SPECC1: variants seen among roughly 807,000 people sequenced by gnomAD.
SPECC1 encodes cytospin-B.
SPECC1 carries 62 observed loss-of-function variants against 104.1 expected under a neutral mutation model. The ratio of observed to expected loss-of-function variants is 0.60; its 90% CI spans 0.49 to 0.74. SPECC1 has a LOEUF of 0.74. Ranked by LOEUF, SPECC1 falls within the 30% of genes least tolerant of loss-of-function variation. The probability of loss-of-function intolerance (pLI) is 0.00; values close to 1 mark genes in which losing one functional copy is unlikely to be tolerated. For missense variants in SPECC1, 1,306 were observed against 1,310.5 expected (o/e 1.00, Z 0.05); for synonymous variants, 513 against 501.6 (o/e 1.02, Z -0.30).
chr17:20,072,296 C>T (rs2152482675), intron 1 of SPECC1, among the ~76,000 whole-genome samples: 1 of 152,344 alleles, frequency 6.6e-6, no homozygotes, highest in East Asian at 1.9e-4. Flanking sequence ...TCATCCTAGA[C>T]TTTCCTAAAT....
intron 4 of SPECC1, among the ~76,000 whole-genome samples, chr17:20,209,783 A>G (rs1313123617): frequency 6.6e-6 from 1 of 152,228 alleles, no homozygotes; most frequent in African/African-American, 2.4e-5. Flanking sequence ...TTTCCAGACA[A>G]TAACATGACC....
At chr17:20,248,044 G>A (rs1037454600) in intron 9 of SPECC1, among the ~76,000 whole-genome samples, 7 of 152,158 alleles carry the variant, frequency 4.6e-5, no homozygotes, top group African/African-American at 1.7e-4. Flanking sequence ...CCAAGATCTA[G>A]GATCAGCCTG....
At chr17:20,287,445 A>G (rs2040995499) in intron 12 of SPECC1, among the ~76,000 whole-genome samples, 1 of 150,318 alleles carries the variant, frequency 6.7e-6, no homozygotes, top group Non-Finnish European at 1.5e-5. Flanking sequence ...AAAAAAAAAA[A>G]AAAAAAAAAA....
chr17:20,170,982 A>G (rs1477536610), intron 3 of SPECC1, among the ~76,000 whole-genome samples: 1 of 152,230 alleles, frequency 6.6e-6, no homozygotes, highest in East Asian at 1.9e-4. Flanking sequence ...AAATTTTAAA[A>G]AAATCTTGGA....
intron 5 of SPECC1, 25 bp from the exon 6 acceptor site, chr17:20,231,733 C>A (rs749320766): frequency 4.3e-6 from 7 of 1,610,114 alleles, no homozygotes; most frequent in Admixed American, 1.7e-5. Context: ...CTTTTCTAAG[C>A]CCTGTCTGAA....
intron 1 of SPECC1, among the ~76,000 whole-genome samples, chr17:20,031,521 C>T (rs950299806): frequency 6.6e-6 from 1 of 152,068 alleles, no homozygotes; most frequent in Non-Finnish European, 1.5e-5. Flanking sequence ...GGGGTTTCAC[C>T]ATGTTAATCA....
intron 3 of SPECC1, among the ~76,000 whole-genome samples, chr17:20,118,996 C>T (rs1375718926): frequency 6.6e-6 from 1 of 152,114 alleles, no homozygotes; most frequent in African/African-American, 2.4e-5. Context: ...GTTCCCATGC[C>T]CCAAGGGGCA....
chr17:20,021,702 A>ATATATATATATATATTTT, intron 1 of SPECC1, among the ~76,000 whole-genome samples: 1 of 139,276 alleles, frequency 7.2e-6, no homozygotes, highest in East Asian at 2.1e-4. Flanking sequence ...ATATATATAT[A>ATATATATATATATATTTT]TTTTTTTGTA....
intron 4 of SPECC1, among the ~76,000 whole-genome samples, chr17:20,216,188 G>A (rs1206811664): frequency 6.6e-6 from 1 of 152,104 alleles, no homozygotes; most frequent in Non-Finnish European, 1.5e-5. Flanking sequence ...TTACCCCTCC[G>A]AGAGAGGAGA....
intron 3 of SPECC1, among the ~76,000 whole-genome samples, chr17:20,159,455 A>C (rs2032932612): frequency 6.6e-6 from 1 of 152,254 alleles, no homozygotes; most frequent in South Asian, 2.1e-4. Context: ...GTCTCTTTAA[A>C]GAGTAAAGAG....
chr17:20,085,412 C>G (rs1488473583), intron 1 of SPECC1, among the ~76,000 whole-genome samples: 1 of 152,220 alleles, frequency 6.6e-6, no homozygotes, highest in Admixed American at 6.5e-5. Context: ...GGAAACAGAT[C>G]GCACAGCAGT....
In SPECC1 at chr17:20,318,085, A is replaced by G. The variant is rs1370072354; in HGVS notation, c.*4020A>G. On this transcript the variant is annotated 3_prime_UTR_variant, in exon 15 of 15. Coordinates refer to ENST00000395527, the MANE Select transcript of SPECC1 (RefSeq NM_001243439.2). ...GAGGATTTCAAAGACCACAACAGCC[A>G]CATTTCTTTCCATCTTCCCTCAGCC... The G allele has an allele frequency of 3.0e-5, 7 of 231,216 alleles. No homozygotes were observed. Among genetic ancestry groups the G allele is most frequent in the Admixed American group, 5.6e-5 (1 of 17,708 alleles). 14.3% of individuals were successfully genotyped at this position (231,216 alleles called of 1,614,324 possible).
intron 12 of SPECC1, among the ~76,000 whole-genome samples, chr17:20,286,392 A>G (rs1414652694): frequency 1.3e-5 from 2 of 152,094 alleles, no homozygotes; most frequent in Non-Finnish European, 2.9e-5. Flanking sequence ...GGTCCTTGGG[A>G]AAAGACCTTA....
chr17:20,115,398 G>A (rs568558137), intron 3 of SPECC1, among the ~76,000 whole-genome samples: 3 of 152,100 alleles, frequency 2.0e-5, no homozygotes, highest in East Asian at 3.9e-4. Flanking sequence ...ACTTGAACCC[G>A]GGAGGTGGAG....
At chr17:20,203,636 A>G (rs903418048) in intron 3 of SPECC1, among the ~76,000 whole-genome samples, 14 of 152,346 alleles carry the variant, frequency 9.2e-5, no homozygotes, top group Admixed American at 6.5e-4. Context: ...TGATTTCTTA[A>G]TCAAATTTAT....
intron 1 of SPECC1, among the ~76,000 whole-genome samples, chr17:20,044,921 C>T (rs991312190): frequency 1.3e-5 from 2 of 152,212 alleles, no homozygotes; most frequent in East Asian, 1.9e-4. Flanking sequence ...CACGCACATG[C>T]GTGCATGTGT....
At chr17:20,255,286 G>T (rs2039784926) in intron 10 of SPECC1, among the ~76,000 whole-genome samples, 1 of 152,184 alleles carries the variant, frequency 6.6e-6, no homozygotes, top group Non-Finnish European at 1.5e-5. Context: ...GACCAGGCCT[G>T]AGTGTCCCAT....
chr17:20,107,144 C>CAAAAAAAAAAAAAAAAAAAA (rs531912350), intron 2 of SPECC1, among the ~76,000 whole-genome samples: 27 of 68,186 alleles, frequency 4.0e-4, no homozygotes, highest in Non-Finnish European at 4.3e-4. Context: ...ACTCGTGTCT[C>CAAAAAAAAAAAAAAAAAAAA]AAAAAAAAAA....
At chr17:20,217,910 T>C (rs943671533) in intron 4 of SPECC1, among the ~76,000 whole-genome samples, 2 of 151,944 alleles carry the variant, frequency 1.3e-5, no homozygotes, top group African/African-American at 4.8e-5. Flanking sequence ...TGCACACCTA[T>C]AGTCCTGGCT....
Sources: gnomAD v4.1 joint callset for allele counts (sites outside exome capture counted in the v4.1 genomes callset) on GRCh38, gnomAD v4.1.1 for gene constraint, MANE v1.5 for transcripts, NCBI Gene and HGNC (gene_info 2026-07-23, HGNC 2026-07-21) for gene names.